NTN1: variants seen among roughly 807,000 people sequenced by gnomAD.
The protein encoded by NTN1 is netrin 1, also known as netrin-1.
NTN1 carries 11 observed loss-of-function variants against 54.2 expected under a neutral mutation model. That is an observed-to-expected ratio of 0.20 (90% CI 0.13 to 0.34). NTN1 has a LOEUF of 0.34. Among genes scored for constraint, NTN1 ranks in the 10% least tolerant of loss-of-function variants. NTN1 has a pLI of 1.00. For synonymous variants in NTN1, 371 were observed against 382.0 expected, an observed-to-expected ratio of 0.97 and a Z score of 0.33; for missense variants, 740 against 893.1, an observed-to-expected ratio of 0.83 and a Z score of 2.18.
chr17:9,113,180 C>T (rs147170946), intron 2 of NTN1, among the ~76,000 whole-genome samples: 4,442 of 151,614 alleles, frequency 0.029, 214 homozygotes, highest in African/African-American at 0.1. Flanking sequence ...CCCGCCACCA[C>T]GCCTGGCTAA....
chr17:9,004,934 G>T, the NTN1 span, among the ~76,000 whole-genome samples: 2 of 152,170 alleles, frequency 1.3e-5, no homozygotes, highest in African/African-American at 4.8e-5. Context: ...AGGGGAGATG[G>T]AATCTCCGTA....
At chr17:9,013,685 T>C in the NTN1 span, among the ~76,000 whole-genome samples, 1 of 152,348 alleles carries the variant, frequency 6.6e-6, no homozygotes, top group East Asian at 1.9e-4. Context: ...GTGTCATCTC[T>C]AAACCTTGAG....
At chr17:9,013,750 G>A in the NTN1 span, among the ~76,000 whole-genome samples, 1 of 152,122 alleles carries the variant, frequency 6.6e-6, no homozygotes, top group Non-Finnish European at 1.5e-5. Context: ...AACAAGCTGA[G>A]CCCCAACTCT....
chr17:9,065,193 T>C (rs1204763170), intron 2 of NTN1, among the ~76,000 whole-genome samples: 1 of 152,154 alleles, frequency 6.6e-6, no homozygotes, highest in East Asian at 1.9e-4. Context: ...TGCCTCCACC[T>C]CCTGAAGTGC....
intron 2 of NTN1, among the ~76,000 whole-genome samples, chr17:9,113,019 A>ATTTTTTTTTTT (rs398058563): frequency 7.0e-6 from 1 of 141,938 alleles, no homozygotes. Flanking sequence ...TGTATACAGA[A>ATTTTTTTTTTT]TTTTTTTTAT....
chr17:9,037,177 C>G (rs1156592567), intron 2 of NTN1, among the ~76,000 whole-genome samples: 1 of 152,168 alleles, frequency 6.6e-6, no homozygotes, highest in Non-Finnish European at 1.5e-5. Flanking sequence ...TTTAATTTGC[C>G]TATTTTTGAA....
chr17:9,235,210 C>G (rs1263947754), intron 6 of NTN1, among the ~76,000 whole-genome samples: 1 of 152,014 alleles, frequency 6.6e-6, no homozygotes, highest in Non-Finnish European at 1.5e-5. Flanking sequence ...GGTGATCCAC[C>G]CACCTCAGCC....
intron 2 of NTN1, among the ~76,000 whole-genome samples, chr17:9,076,412 A>G (rs1287010851): frequency 6.6e-6 from 1 of 152,186 alleles, no homozygotes; most frequent in Non-Finnish European, 1.5e-5. Context: ...TCACCCTGTC[A>G]TCCAGGCTGG....
At chr17:9,021,826 G>A (rs937290454) in intron 1 of NTN1, among the ~76,000 whole-genome samples, 9 of 152,106 alleles carry the variant, frequency 5.9e-5, no homozygotes, top group Admixed American at 2.6e-4. Flanking sequence ...CGGGCTCCCC[G>A]GAGGGGCCAG....
chr17:9,152,791 C>G (rs2092331242), intron 2 of NTN1, among the ~76,000 whole-genome samples: 1 of 152,160 alleles, frequency 6.6e-6, no homozygotes, highest in Non-Finnish European at 1.5e-5. Flanking sequence ...ACGCAGATGT[C>G]TTCATTTTTC....
At position 9,231,276 on chromosome 17, in the gene NTN1, TGA is replaced by T. The variant is rs765610413; in HGVS notation, c.1487-8361_1487-8360del. Among the ~76,000 whole-genome samples the T allele has an allele frequency of 8.4e-5, 12 of 142,388 alleles. 1 individual carries two copies. The highest frequency in any genetic ancestry group is 1.6e-4 in the Non-Finnish European group (10 of 64,264). The allele number at this position is 142,388 out of a possible 152,430, so 93.4% of individuals were successfully genotyped here. On this transcript the variant is annotated intron_variant, in intron 6 of 6. Coordinates refer to ENST00000173229, the MANE Select transcript of NTN1 (RefSeq NM_004822.3). The stretch of plus-strand genomic sequence containing the variant: ...TCTGCCTGTGCTGGGCTCAGGCCTC[TGA>T]GATACCATGGGGTACCCGGGGGGGG...
intron 2 of NTN1, among the ~76,000 whole-genome samples, chr17:9,069,350 GTCT>G (rs1245227823): frequency 6.6e-6 from 1 of 151,714 alleles, no homozygotes; most frequent in African/African-American, 2.4e-5. Flanking sequence ...TGTCTTTTTG[GTCT>G]TCTTTAAGAA....
At chr17:9,070,686 G>T (rs2092029322) in intron 2 of NTN1, among the ~76,000 whole-genome samples, 1 of 152,060 alleles carries the variant, frequency 6.6e-6, no homozygotes, top group Admixed American at 6.6e-5. Flanking sequence ...CCGCCTCCCG[G>T]GTTCAAATGA....
upstream of NTN1, among the ~76,000 whole-genome samples, chr17:9,018,854 C>T (rs1268379111): frequency 3.9e-5 from 6 of 152,156 alleles, no homozygotes; most frequent in Admixed American, 3.9e-4. Context: ...ACTGTCCAAC[C>T]GAGCTCACTG....
chr17:9,005,909 C>T, the NTN1 span, among the ~76,000 whole-genome samples: 12 of 152,338 alleles, frequency 7.9e-5, no homozygotes, highest in South Asian at 2.5e-3. Context: ...CCTAACACTG[C>T]ACACTGCAGG....
intron 2 of NTN1, among the ~76,000 whole-genome samples, chr17:9,026,867 G>T (rs1597462200): frequency 6.6e-6 from 1 of 152,204 alleles, no homozygotes; most frequent in East Asian, 1.9e-4. Flanking sequence ...AACTTGTTTT[G>T]CGACTCACTC....
At chr17:9,227,304 CACAA>C (rs746944303) in intron 6 of NTN1, among the ~76,000 whole-genome samples, 35 of 147,346 alleles carry the variant, frequency 2.4e-4, no homozygotes, top group Admixed American at 2.7e-4. Context: ...CATACACAAT[CACAA>C]ACACACCACA....
At chr17:9,046,889 A>G (rs1408438177) in intron 2 of NTN1, among the ~76,000 whole-genome samples, 1 of 152,182 alleles carries the variant, frequency 6.6e-6, no homozygotes, top group Non-Finnish European at 1.5e-5. Flanking sequence ...ACACGAACAC[A>G]CCTTACAGAT....
intron 6 of NTN1, among the ~76,000 whole-genome samples, chr17:9,223,590 G>A (rs2315286): frequency 2.0e-5 from 3 of 151,834 alleles, no homozygotes; most frequent in African/African-American, 7.3e-5. Flanking sequence ...ATATGGCCCC[G>A]GAGCTGCAGG....
Sources: gnomAD v4.1 joint callset for allele counts (sites outside exome capture counted in the v4.1 genomes callset) on GRCh38, gnomAD v4.1.1 for gene constraint, MANE v1.5 for transcripts, NCBI Gene and HGNC (gene_info 2026-07-23, HGNC 2026-07-21) for gene names.